Variants in XCR1 observed in about 807,000 individuals in gnomAD.
XCR1 encodes the protein X-C motif chemokine receptor 1, also known as chemokine XC receptor 1.
For missense variants in XCR1, 356 were observed against 424.2 expected (o/e 0.84, Z 1.41); for synonymous variants, 187 against 188.5 (o/e 0.99, Z 0.06).
rs1304384113 is a variant in XCR1, at chr3:46,019,932, CA to C, written c.*1013del. 6.6e-6 allele frequency: 1 copy of C among 152,172 alleles called. No homozygotes were observed. Among genetic ancestry groups the C allele is most frequent in the Non-Finnish European group, 1.5e-5 (1 of 68,040 alleles). 9.4% of individuals were successfully genotyped at this position (152,172 alleles called of 1,614,324 possible). A position where few individuals can be genotyped will look rare whatever the true frequency, so the allele number is the denominator to read the frequency against. ...TGAGTCAACTCTGAAAGCCACTAGA[CA>C]GGCATAGTCATTTGGACCTGGCTGT... On this transcript the variant is annotated 3_prime_UTR_variant, in exon 2 of 2. Transcript: ENST00000309285.
chr3:46,024,912 TA>T (rs961286256), intron 1 of XCR1, among the ~76,000 whole-genome samples: 5 of 152,062 alleles, frequency 3.3e-5, no homozygotes, highest in African/African-American at 1.2e-4. Flanking sequence ...TGTGTTTTAT[TA>T]AAAAAACCCA....
intron 4 of XCR1, among the ~76,000 whole-genome samples, chr3:46,066,127 A>G (rs763874221): frequency 6.6e-6 from 1 of 152,172 alleles, no homozygotes; most frequent in African/African-American, 2.4e-5. Context: ...AGACAGGCTC[A>G]CTAGGACCAG....
intron 3 of XCR1, among the ~76,000 whole-genome samples, chr3:46,072,982 T>C (rs970837496): frequency 1.6e-4 from 25 of 152,034 alleles, no homozygotes; most frequent in African/African-American, 6.0e-4. Flanking sequence ...TTAGAGACAA[T>C]TGATCTTTGA....
intron 5 of XCR1, among the ~76,000 whole-genome samples, chr3:46,035,733 A>G (rs1257901325): frequency 6.6e-6 from 1 of 152,202 alleles, no homozygotes; most frequent in Non-Finnish European, 1.5e-5. Context: ...GCTCCTCTCA[A>G]TTTGGGAAAT....
chr3:46,067,677 G>A (rs928720809), intron 3 of XCR1, among the ~76,000 whole-genome samples: 1 of 152,146 alleles, frequency 6.6e-6, no homozygotes, highest in African/African-American at 2.4e-5. Flanking sequence ...TTCTATTAGA[G>A]GACTGTTAAC....
rs1708073354 is a variant in XCR1 at position 46,017,878 on chromosome 3, G to A, written c.*3068C>T. The A allele has an allele frequency of 6.6e-6, 1 of 152,670 alleles. No individual in the cohort carries two copies. Among genetic ancestry groups the A allele is most frequent in the African/African-American group, 2.4e-5 (1 of 41,430 alleles). 9.5% of individuals were successfully genotyped at this position (152,670 alleles called of 1,614,324 possible). A position where few individuals can be genotyped will look rare whatever the true frequency, so the allele number is the denominator to read the frequency against. ...GTTGAGATTGAGCAATGGTTTCTGT[G>A]GGTGGAGGGAGGGGAAGCCCAGGAG... On this transcript the variant is annotated 3_prime_UTR_variant, in exon 2 of 2. Transcript: ENST00000309285.
intron 1 of XCR1, among the ~76,000 whole-genome samples, chr3:46,079,000 C>T (rs1698310118): frequency 6.6e-6 from 1 of 152,194 alleles, no homozygotes; most frequent in African/African-American, 2.4e-5. Flanking sequence ...TGGTTAGAGG[C>T]ATTCTGAGAC....
chr3:46,050,321 C>T (rs928152892), intron 5 of XCR1, among the ~76,000 whole-genome samples: 4 of 152,128 alleles, frequency 2.6e-5, no homozygotes, highest in African/African-American at 9.7e-5. Context: ...TAACATCGGT[C>T]GTAGCCAGTT....
intron 5 of XCR1, among the ~76,000 whole-genome samples, chr3:46,047,318 G>A (rs1000638634): frequency 2.0e-5 from 3 of 152,116 alleles, no homozygotes; most frequent in African/African-American, 7.2e-5. Context: ...CCCAAGGCTC[G>A]GACAGATTAA....
intron 1 of XCR1, chr3:46,023,384 C>G: frequency 6.9e-7 from 1 of 1,451,456 alleles, no homozygotes; most frequent in Non-Finnish European, 9.6e-7. Flanking sequence ...TACGAAGAGG[C>G]GATTTCTTGT....
In XCR1 at chr3:46,019,779, A is replaced by G. The variant is rs576960286; in HGVS notation, c.*1167T>C. Reference sequence around the variant, plus strand: ...CATTTGTAAGTAATGAGGAGCCACTAAGGGTTTTGAAGCACCTGGTGTAAG... The same window carrying G: ...CATTTGTAAGTAATGAGGAGCCACTGAGGGTTTTGAAGCACCTGGTGTAAG... On this transcript the variant is annotated 3_prime_UTR_variant, in exon 2 of 2. Transcript: ENST00000309285. 3.3e-4 allele frequency: 51 copies of G among 152,300 alleles called. No individual in the cohort carries two copies. Among genetic ancestry groups the G allele is most frequent in the African/African-American group, 1.2e-3 (50 of 41,570 alleles). The allele number at this position is 152,300 out of a possible 1,614,324, so 9.4% of individuals were successfully genotyped here. A position where few individuals can be genotyped will look rare whatever the true frequency, so the allele number is the denominator to read the frequency against.
rs550476397 is a variant in XCR1 at position 46,085,663 on chromosome 3, A to G, written c.-515+131T>C. ...TGATCTGCCTGTGCACTGTTCCCCA[A>G]TACTCCCACTCACTTCCATGTCTCA... On this transcript the variant is annotated intron_variant, in intron 1 of 5. Coordinates refer to the XCR1 transcript ENST00000683768. Among the ~76,000 whole-genome samples, 10 of 152,084 alleles carry G rather than the reference A, an allele frequency of 6.6e-5. No individual in the cohort carries two copies. In the East Asian group the frequency reaches 1.7e-3, roughly 26 times the overall value.
intron 5 of XCR1, among the ~76,000 whole-genome samples, chr3:46,035,095 C>G (rs1697398189): frequency 1.3e-5 from 2 of 152,114 alleles, no homozygotes; most frequent in East Asian, 3.9e-4. Flanking sequence ...GCTGGGATTA[C>G]AGGTGCTCAC....
chr3:46,043,227 G>A (rs1288053530), intron 5 of XCR1, among the ~76,000 whole-genome samples: 1 of 152,102 alleles, frequency 6.6e-6, no homozygotes, highest in Non-Finnish European at 1.5e-5. Context: ...GATCACCTGA[G>A]GTCAGGAGTT....
chr3:46,082,108 C>T (rs1320861556), intron 1 of XCR1, among the ~76,000 whole-genome samples: 2 of 152,180 alleles, frequency 1.3e-5, no homozygotes, highest in Non-Finnish European at 2.9e-5. Flanking sequence ...GACAACCCTA[C>T]CTGAGGGGAC....
At chr3:46,037,531 TAAG>T (rs1436063209) in intron 5 of XCR1, among the ~76,000 whole-genome samples, 1 of 152,110 alleles carries the variant, frequency 6.6e-6, no homozygotes, top group African/African-American at 2.4e-5. Context: ...TAGGACAAAA[TAAG>T]AAGTCCAAAA....
chr3:46,050,127 G>A (rs1021547278), intron 5 of XCR1, among the ~76,000 whole-genome samples: 3 of 152,198 alleles, frequency 2.0e-5, no homozygotes, highest in Non-Finnish European at 4.4e-5. Context: ...TTGGGGGTAG[G>A]AAGAATAAAC....
intron 5 of XCR1, among the ~76,000 whole-genome samples, chr3:46,033,042 T>G (rs759480022): frequency 2.6e-5 from 4 of 152,206 alleles, no homozygotes; most frequent in Non-Finnish European, 5.9e-5. Flanking sequence ...ATCCAAAATT[T>G]TTTTCAAATA....
At chr3:46,071,372 G>T (rs896772544) in intron 3 of XCR1, among the ~76,000 whole-genome samples, 4 of 152,022 alleles carry the variant, frequency 2.6e-5, no homozygotes, top group Non-Finnish European at 4.4e-5. Flanking sequence ...ATTCACAGAT[G>T]AAGTCTGCCA....
Sources: allele counts gnomAD v4.1 joint callset (sites outside exome capture counted in the v4.1 genomes callset), GRCh38; gene constraint gnomAD v4.1.1; transcripts MANE v1.5; gene names NCBI Gene and HGNC (gene_info 2026-07-23, HGNC 2026-07-21).